Variants in DPYD observed in about 807,000 individuals in gnomAD.
The protein encoded by DPYD is dihydropyrimidine dehydrogenase.
DPYD carries 109 observed loss-of-function variants against 116.2 expected under a neutral mutation model. That is an observed-to-expected ratio of 0.94 (90% confidence interval 0.80 to 1.10). The LOEUF (loss-of-function observed/expected upper bound fraction) is 1.10. Among genes scored for constraint, DPYD ranks in the 50% least tolerant of loss-of-function variants. The probability of loss-of-function intolerance (pLI) is 0.00; values close to 1 mark genes in which losing one functional copy is unlikely to be tolerated. For synonymous variants in DPYD, 440 were observed against 432.0 expected (o/e 1.02, Z -0.23); for missense variants, 1,302 against 1,254.5 (o/e 1.04, Z -0.57).
At chr1:97,888,632 A>T (rs1239429848) in intron 1 of DPYD, among the ~76,000 whole-genome samples, 1 of 152,062 alleles carries the variant, frequency 6.6e-6, no homozygotes, top group Non-Finnish European at 1.5e-5. Context: ...TGTAGCAAAA[A>T]AAAAATAATT....
At chr1:97,549,036 CA>C (rs1651116950) in intron 12 of DPYD, among the ~76,000 whole-genome samples, 1 of 151,698 alleles carries the variant, frequency 6.6e-6, no homozygotes, top group Non-Finnish European at 1.5e-5. Context: ...TCACAGTACT[CA>C]AATGGTAGGA....
intron 8 of DPYD, among the ~76,000 whole-genome samples, chr1:97,672,352 T>C (rs554379016): frequency 6.6e-6 from 1 of 152,330 alleles, no homozygotes; most frequent in African/African-American, 2.4e-5. Flanking sequence ...TACATCTATT[T>C]TATCTCCTTC....
chr1:97,267,969 C>A (rs1664341211), intron 18 of DPYD, among the ~76,000 whole-genome samples: 1 of 152,092 alleles, frequency 6.6e-6, no homozygotes, highest in African/African-American at 2.4e-5. Flanking sequence ...TCCCATCAGT[C>A]TGGGAAATCG....
intron 14 of DPYD, among the ~76,000 whole-genome samples, chr1:97,431,349 G>C (rs1675167697): frequency 6.6e-6 from 1 of 152,252 alleles, no homozygotes; most frequent in South Asian, 2.1e-4. Context: ...AGAATGACTG[G>C]AGTCTGGCAT....
At chr1:97,830,941 T>C (rs1335226271) in intron 2 of DPYD, among the ~76,000 whole-genome samples, 1 of 152,152 alleles carries the variant, frequency 6.6e-6, no homozygotes, top group Non-Finnish European at 1.5e-5. Context: ...TCTGCCTTGA[T>C]GTGGAATGGG....
chr1:97,645,253 T>C (rs1439283874), intron 8 of DPYD, among the ~76,000 whole-genome samples: 2 of 152,212 alleles, frequency 1.3e-5, no homozygotes, highest in East Asian at 3.9e-4. Flanking sequence ...TATATAATAA[T>C]TGTATAGGAG....
At chr1:97,582,207 C>A (rs1487895897) in intron 10 of DPYD, among the ~76,000 whole-genome samples, 17 of 152,206 alleles carry the variant, frequency 1.1e-4, no homozygotes, top group Admixed American at 1.1e-3. Context: ...GATGGAGCTA[C>A]TTACATGACT....
intron 13 of DPYD, among the ~76,000 whole-genome samples, chr1:97,460,519 C>G (rs901115994): frequency 6.6e-6 from 1 of 152,108 alleles, no homozygotes; most frequent in Admixed American, 6.6e-5. Context: ...AAGTATGGTG[C>G]GTTGATATGC....
At chr1:97,731,003 CA>C (rs1281844088) in intron 4 of DPYD, among the ~76,000 whole-genome samples, 1 of 151,830 alleles carries the variant, frequency 6.6e-6, no homozygotes, top group Non-Finnish European at 1.5e-5. Context: ...GATTATTAAT[CA>C]AAGAATCTCA....
chr1:97,212,417 T>A (rs1384067646), intron 19 of DPYD, among the ~76,000 whole-genome samples: 1 of 152,160 alleles, frequency 6.6e-6, no homozygotes, highest in Admixed American at 6.6e-5. Context: ...TATTGCTGAA[T>A]AATATCTCAT....
At chr1:97,088,507 C>G (rs1378371512) in intron 21 of DPYD, among the ~76,000 whole-genome samples, 1 of 152,094 alleles carries the variant, frequency 6.6e-6, no homozygotes, top group Admixed American at 6.5e-5. Context: ...TTTGCAAAGG[C>G]TTTCATCACT....
chr1:97,623,770 CA>C (rs201146052), intron 8 of DPYD, among the ~76,000 whole-genome samples: 5 of 148,134 alleles, frequency 3.4e-5, no homozygotes, highest in South Asian at 4.3e-4. Context: ...AGGTATTCGC[CA>C]AAAAAAAATA....
At chr1:97,089,472 T>C (rs1649745069) in intron 21 of DPYD, among the ~76,000 whole-genome samples, 1 of 152,194 alleles carries the variant, frequency 6.6e-6, no homozygotes, top group Admixed American at 6.5e-5. Flanking sequence ...GGTGAACCTG[T>C]AGAATATGTC....
intron 12 of DPYD, among the ~76,000 whole-genome samples, chr1:97,526,154 G>A (rs1009027024): frequency 2.6e-5 from 4 of 152,168 alleles, no homozygotes; most frequent in Non-Finnish European, 4.4e-5. Flanking sequence ...TTGGTGGGAA[G>A]TAATGAATTG....
At chr1:97,898,991 C>A (rs1219849159) in intron 1 of DPYD, among the ~76,000 whole-genome samples, 1 of 151,848 alleles carries the variant, frequency 6.6e-6, no homozygotes, top group African/African-American at 2.4e-5. Flanking sequence ...TGAGAACAGA[C>A]TAATACACTA....
At chr1:97,618,173 A>G (rs1464581201) in intron 8 of DPYD, among the ~76,000 whole-genome samples, 1 of 152,112 alleles carries the variant, frequency 6.6e-6, no homozygotes, top group African/African-American at 2.4e-5. Flanking sequence ...TTGCCTTAGT[A>G]CTGTTCTAGA....
At chr1:97,219,435 TG>T (rs1660641074) in intron 19 of DPYD, among the ~76,000 whole-genome samples, 1 of 152,190 alleles carries the variant, frequency 6.6e-6, no homozygotes, top group African/African-American at 2.4e-5. Flanking sequence ...TATTTAATAA[TG>T]TTTTCCCTTG....
intron 4 of DPYD, among the ~76,000 whole-genome samples, chr1:97,734,716 A>G (rs1452701727): frequency 6.6e-6 from 1 of 152,244 alleles, no homozygotes; most frequent in Non-Finnish European, 1.5e-5. Flanking sequence ...ATAACAAGGC[A>G]GTAAGTAGAC....
At chr1:97,619,460 A>G (rs1656501421) in intron 8 of DPYD, among the ~76,000 whole-genome samples, 2 of 152,196 alleles carry the variant, frequency 1.3e-5, no homozygotes, top group Non-Finnish European at 1.5e-5. Context: ...GGACTTAAGC[A>G]TACGTTTGTA....
Sources: allele counts gnomAD v4.1 joint callset (sites outside exome capture counted in the v4.1 genomes callset), GRCh38; gene constraint gnomAD v4.1.1; transcripts MANE v1.5; gene names NCBI Gene and HGNC (gene_info 2026-07-23, HGNC 2026-07-21).